C14orf39: variants seen among roughly 807,000 people sequenced by gnomAD.
C14orf39 encodes chromosome 14 open reading frame 39, also known as protein SIX6OS1.
C14orf39 carries 66 observed loss-of-function variants against 85.6 expected under a neutral mutation model. That is an observed-to-expected ratio of 0.77 (90% CI 0.63 to 0.95). The LOEUF (loss-of-function observed/expected upper bound fraction) is 0.95. C14orf39 is among the 40% of genes least tolerant of loss of function. The pLI, the probability that C14orf39 is intolerant of heterozygous loss-of-function variation, is 0.00. For missense variants in C14orf39, 735 were observed against 663.9 expected, an observed-to-expected ratio of 1.11 and a Z score of -1.18; for synonymous variants, 242 against 214.0, an observed-to-expected ratio of 1.13 and a Z score of -1.14.
intron 1 of C14orf39, among the ~76,000 whole-genome samples, chr14:60,513,366 G>A (rs1193257507): frequency 6.6e-6 from 1 of 152,174 alleles, no homozygotes; most frequent in African/African-American, 2.4e-5. Context: ...AGGGGCTGGC[G>A]AGGACTAGAG....
rs1061108 is a variant in C14orf39 at position 60,511,353 on chromosome 14, C to G, written c.-144+4042G>C. 0.9 allele frequency: 1,262,415 copies of G among 1,409,914 alleles called. 568,049 individuals are homozygous for G. Among genetic ancestry groups the G allele is most frequent in the Non-Finnish European group, 0.92 (921,488 of 1,004,206 alleles). 87.3% of individuals were successfully genotyped at this position (1,409,914 alleles called of 1,614,324 possible). A position where few individuals can be genotyped will look rare whatever the true frequency, so the allele number is the denominator to read the frequency against. ...TGAGAGACCTGCAAATCCAGCGCCA[C>G]AGAAGCCAGGTGACCAGGGACCCGC... On this transcript the variant is annotated intron_variant, in intron 1 of 5. Coordinates refer to the C14orf39 transcript ENST00000556799.
At chr14:60,478,008 T>C (rs942839021) in intron 5 of C14orf39, among the ~76,000 whole-genome samples, 3 of 151,496 alleles carry the variant, frequency 2.0e-5, no homozygotes, top group African/African-American at 7.3e-5. Flanking sequence ...TGAAACCCCG[T>C]CTCTACTAAA....
chr14:60,511,050 G>T, intron 1 of C14orf39: 1 of 1,606,766 alleles, frequency 6.2e-7, no homozygotes, highest in Admixed American at 1.7e-5. Flanking sequence ...GCTGTGTTAC[G>T]AGCTGTGACC....
chr14:60,503,104 C>G (rs766531347), intron 1 of C14orf39, among the ~76,000 whole-genome samples: 2 of 152,180 alleles, frequency 1.3e-5, no homozygotes, highest in Non-Finnish European at 2.9e-5. Context: ...TACGACACCT[C>G]AAGTCCAATC....
At chr14:60,504,589 T>A (rs1893182138) in intron 1 of C14orf39, among the ~76,000 whole-genome samples, 1 of 152,242 alleles carries the variant, frequency 6.6e-6, no homozygotes, top group Non-Finnish European at 1.5e-5. Flanking sequence ...GTTTCATTAC[T>A]AATAATGAAA....
chr14:60,502,915 T>C (rs1893164651), intron 1 of C14orf39, among the ~76,000 whole-genome samples: 1 of 152,264 alleles, frequency 6.6e-6, no homozygotes, highest in Non-Finnish European at 1.5e-5. Context: ...AGATGAAGGC[T>C]AACATTTCAG....
chr14:60,447,938 G>A (rs185369153), intron 16 of C14orf39, among the ~76,000 whole-genome samples: 6 of 152,226 alleles, frequency 3.9e-5, no homozygotes, highest in South Asian at 2.1e-4. Flanking sequence ...AAACAGCAAC[G>A]GGGAAAGGAT....
At chr14:60,473,187 G>A (rs1892189703) in intron 5 of C14orf39, among the ~76,000 whole-genome samples, 1 of 152,070 alleles carries the variant, frequency 6.6e-6, no homozygotes, top group African/African-American at 2.4e-5. Flanking sequence ...GTGTCTTTTG[G>A]CTGCATAAAT....
chr14:60,455,086 G>T lies in C14orf39; in HGVS notation c.1418C>A (p.Ser473Tyr), dbSNP rs780477859. The change falls in exon 16 of 18, where the codon TCT (serine) becomes TAT (tyrosine). Residue 473 changes from serine (S) to tyrosine (Y), a missense_variant. Physicochemically the swap from Ser to Tyr is moderately radical, Grantham distance 144. Transcript: ENST00000321731. The stretch of plus-strand genomic sequence containing the variant: ...TCTAGAAGTATAACTCATAAGAAAA[G>T]AAAGTCCAGGGGATTCCTTTTCTGT... ...VQTEKESPGL[S>Y]FLMSYTSRSP... The T allele has an allele frequency of 6.3e-7, 1 of 1,581,032 alleles. No individual in the cohort carries two copies. The highest frequency in any genetic ancestry group is 1.9e-5 in the Admixed American group (1 of 52,396).
chr14:60,509,916 G>T (rs1421692802), intron 1 of C14orf39: 7 of 1,611,670 alleles, frequency 4.3e-6, no homozygotes, highest in South Asian at 1.1e-5. Context: ...ACGCAGGTGG[G>T]CAACTGGTTC....
chr14:60,479,113 A>T (rs1892524740), intron 4 of C14orf39, among the ~76,000 whole-genome samples: 1 of 152,170 alleles, frequency 6.6e-6, no homozygotes, highest in Non-Finnish European at 1.5e-5. Context: ...TAAGAAAATA[A>T]CTATTAATCA....
intron 4 of C14orf39, among the ~76,000 whole-genome samples, chr14:60,482,467 A>G (rs1320888917): frequency 6.6e-6 from 1 of 152,222 alleles, no homozygotes; most frequent in Non-Finnish European, 1.5e-5. Flanking sequence ...AGTCTTTATA[A>G]TAAGTCAATC....
At chr14:60,449,481 C>G (rs1202528497) in intron 16 of C14orf39, among the ~76,000 whole-genome samples, 1 of 152,168 alleles carries the variant, frequency 6.6e-6, no homozygotes, top group Non-Finnish European at 1.5e-5. Context: ...ATTGATCAAT[C>G]AGTCCTTAAA....
At chr14:60,493,905 G>C (rs1234162632) in intron 2 of C14orf39, 3 of 154,718 alleles carry the variant, frequency 1.9e-5, no homozygotes, top group African/African-American at 7.2e-5. Flanking sequence ...GAGGGAAACT[G>C]GTGTTTAGGA....
intron 5 of C14orf39, among the ~76,000 whole-genome samples, chr14:60,477,423 C>T (rs538565613): frequency 3.3e-5 from 5 of 152,082 alleles, no homozygotes; most frequent in African/African-American, 1.2e-4. Context: ...AAAAACATTT[C>T]AATGTCTTAT....
chr14:60,495,954 C>T (rs1206571249), intron 2 of C14orf39: 7 of 460,378 alleles, frequency 1.5e-5, no homozygotes, highest in Admixed American at 1.4e-4. Context: ...CAAGACATGA[C>T]ATTTGGGAGC....
chr14:60,456,638 T>C (rs573697184), intron 15 of C14orf39, among the ~76,000 whole-genome samples: 2 of 152,180 alleles, frequency 1.3e-5, no homozygotes, highest in South Asian at 2.1e-4. Flanking sequence ...GTGGGATTTA[T>C]GCCATCTTCA....
Position 60,446,834 on chromosome 14 carries a change from CA to C in C14orf39, c.1504-4704del, listed in dbSNP as rs1383597498. On this transcript the variant is annotated intron_variant, in intron 16 of 17. Transcript: ENST00000321731. ...TGGCAAATCCAATACAGCAGCACATCAAAAAGTTTATCCACCACAATAAAGT... is the reference window on the plus strand; with the variant it reads ...TGGCAAATCCAATACAGCAGCACATCAAAAGTTTATCCACCACAATAAAGT... Among the ~76,000 whole-genome samples, 5 of 152,164 alleles carry C rather than the reference CA, an allele frequency of 3.3e-5. No individual in the cohort carries two copies. The East Asian group carries it at 9.6e-4, about 29-fold the overall frequency.
chr14:60,494,209 C>T (rs555245266), intron 2 of C14orf39: 4 of 245,478 alleles, frequency 1.6e-5, no homozygotes, highest in Non-Finnish European at 3.4e-5. Context: ...TGAACAAAAA[C>T]AAGAACATCC....
Sources: gnomAD v4.1 joint callset for allele counts (sites outside exome capture counted in the v4.1 genomes callset) on GRCh38, gnomAD v4.1.1 for gene constraint, MANE v1.5 for transcripts, NCBI Gene and HGNC (gene_info 2026-07-23, HGNC 2026-07-21) for gene names.